Variants in UTP6 observed in about 807,000 individuals in gnomAD.
UTP6 encodes the protein U3 small nucleolar RNA-associated protein 6 homolog.
Under a neutral mutation model 96.5 loss-of-function variants are expected in UTP6, and 60 were observed. The observed-to-expected ratio is 0.62, with a 90% confidence interval of 0.51 to 0.77. UTP6 has a LOEUF of 0.77. Among genes scored for constraint, UTP6 ranks in the 30% least tolerant of loss-of-function variants. UTP6 has a pLI of 0.00. For synonymous variants in UTP6, 215 were observed against 240.1 expected, an observed-to-expected ratio of 0.90 and a Z score of 0.96; for missense variants, 637 against 706.5, an observed-to-expected ratio of 0.90 and a Z score of 1.12.
In UTP6 at chr17:31,901,579, C is replaced by T. The variant is rs1228561173; in HGVS notation, c.49G>A (p.Glu17Lys). 6.2e-7 allele frequency: 1 copy of T among 1,614,080 alleles called. No individual in the cohort carries two copies. Residue 17 changes from glutamate to lysine, a missense_variant, in exon 1 of 19, where the codon GAA becomes AAA. Physicochemically the swap from Glu to Lys is moderately conservative, Grantham distance 56. Transcript: ENST00000261708. ...ERIEDRLPELEQLERIGLFSH... is the reference protein window; with the variant it reads ...ERIEDRLPELKQLERIGLFSH... The stretch of plus-strand genomic sequence containing the variant: ...AACAGTCCAATGCGCTCCAGCTGTT[C>T]CAATTCCGGGAGCCGATCTTCTATG...
chr17:31,892,091 AGGCAGGGGTGAAC>A, intron 6 of UTP6, 156 bp downstream of exon 6: 6 of 638,578 alleles, frequency 9.4e-6, no homozygotes, highest in Admixed American at 2.7e-5. Flanking sequence ...AGTATATAGT[AGGCAGGGGTGAAC>A]TATGAGGCAG....
At chr17:31,868,700 CTT>C (rs1371980947) in intron 16 of UTP6, among the ~76,000 whole-genome samples, 6 of 152,066 alleles carry the variant, frequency 3.9e-5, no homozygotes, top group South Asian at 2.1e-4. Context: ...ATGTCAAAGT[CTT>C]TTGGGAAATC....
chr17:31,895,148 A>G, intron 2 of UTP6, 137 bp from the exon 3 acceptor site: 1 of 651,214 alleles, frequency 1.5e-6, no homozygotes, highest in Non-Finnish European at 2.5e-6. Context: ...ATAATTTACA[A>G]TAAATGTCTA....
chr17:31,881,267 CTTT>C lies in UTP6; in HGVS notation c.786-516_786-514del, dbSNP rs202102116. On this transcript the variant is annotated intron_variant, in intron 10 of 18. Transcript: ENST00000261708. ...GGATCAGAATTGTCCCACTTTTTCA[CTTT>C]TTTTTTTTTTTTTTTTGAGCCAGAA... 1.6e-4 allele frequency among the ~76,000 whole-genome samples: 21 copies of C among 132,848 alleles called. No individual in the cohort carries two copies. The East Asian group carries it at 2.8e-3, about 18-fold the overall frequency. 87.2% of individuals were successfully genotyped at this position (132,848 alleles called of 152,430 possible). A position where few individuals can be genotyped will look rare whatever the true frequency, so the allele number is the denominator to read the frequency against.
chr17:31,865,104 C>T (rs12940277), intron 18 of UTP6, among the ~76,000 whole-genome samples: 5,074 of 152,208 alleles, frequency 0.033, 183 homozygotes, highest in African/African-American at 0.088. Flanking sequence ...CTGCAACCTC[C>T]GTCTCCCAGG....
intron 10 of UTP6, 122 bp from the exon 11 acceptor site, chr17:31,880,876 T>C (rs1314794554): frequency 3.8e-6 from 5 of 1,325,584 alleles, no homozygotes; most frequent in East Asian, 2.4e-5. Flanking sequence ...TGCAGTACCA[T>C]AAAAACTATT....
intron 13 of UTP6, among the ~76,000 whole-genome samples, 154 bp from the exon 14 acceptor site, chr17:31,875,567 G>A (rs1910451019): frequency 6.6e-6 from 1 of 152,108 alleles, no homozygotes; most frequent in African/African-American, 2.4e-5. Context: ...GCTCACACCT[G>A]TAACCCCAGC....
chr17:31,882,530 A>G (rs900494471), intron 10 of UTP6, among the ~76,000 whole-genome samples: 1 of 152,146 alleles, frequency 6.6e-6, no homozygotes, highest in Non-Finnish European at 1.5e-5. Context: ...CATGTTGGCC[A>G]GGATGATCTC....
intron 10 of UTP6, among the ~76,000 whole-genome samples, chr17:31,881,453 G>A (rs1567785048): frequency 6.6e-6 from 1 of 151,944 alleles, no homozygotes; most frequent in Admixed American, 6.6e-5. Flanking sequence ...TTCTTTGGGA[G>A]AGATGAGTTT....
At chr17:31,873,533 T>G (rs16967031) in intron 15 of UTP6, 46 bp from the exon 16 acceptor site, 3 of 1,607,818 alleles carry the variant, frequency 1.9e-6, no homozygotes, top group African/African-American at 1.3e-5. Context: ...AGAAAACTTA[T>G]AGATACCAAA....
chr17:31,873,396 G>A lies in UTP6; in HGVS notation c.1478C>T (p.Ala493Val). The A allele has an allele frequency of 6.2e-7, 1 of 1,614,154 alleles. No individual in the cohort carries two copies. Among genetic ancestry groups the A allele is most frequent in the Non-Finnish European group, 8.5e-7 (1 of 1,180,040 alleles). Residue 493 changes from alanine (A) to valine (V), a missense_variant, in exon 16 of 19, where the codon GCC (alanine) becomes GTC (valine). Physicochemically the swap from Ala to Val is moderately conservative, Grantham distance 64. Coordinates refer to ENST00000261708, the MANE Select transcript of UTP6 (RefSeq NM_018428.3). ...TGAGTACCTTTTAAACACAGCTCTGGCCTTTTTGTAGCCACCACTTCGATA... is the reference window on the plus strand; with the variant it reads ...TGAGTACCTTTTAAACACAGCTCTGACCTTTTTGTAGCCACCACTTCGATA... ...WAYRSGGYKK[A>V]RAVFKSLQES...
chr17:31,878,558 T>C, intron 12 of UTP6, 144 bp downstream of exon 12: 1 of 866,802 alleles, frequency 1.2e-6, no homozygotes, highest in Non-Finnish European at 1.8e-6. Flanking sequence ...ACCTTTAGAA[T>C]GTCACGTCAC....
Position 31,863,259 on chromosome 17 carries a change from G to T in UTP6, c.*100C>A. On this transcript the variant is annotated 3_prime_UTR_variant, in exon 19 of 19. Transcript: ENST00000261708. ...TGTCTCAAAACCAGACAGCCATCTT[G>T]TCTGCCATCACTGAGCAAATTACAG... 1 of 1,216,706 alleles carries T rather than the reference G, an allele frequency of 8.2e-7. No individual in the cohort carries two copies. The highest frequency in any genetic ancestry group is 1.2e-6 in the Non-Finnish European group (1 of 859,852). 75.4% of individuals were successfully genotyped at this position (1,216,706 alleles called of 1,614,324 possible). A position where few individuals can be genotyped will look rare whatever the true frequency, so the allele number is the denominator to read the frequency against.
Position 31,863,083 on chromosome 17 carries a change from A to G in UTP6, c.*276T>C, listed in dbSNP as rs1359505128. On this transcript the variant is annotated 3_prime_UTR_variant, in exon 19 of 19. Coordinates refer to ENST00000261708, the MANE Select transcript of UTP6 (RefSeq NM_018428.3). Reference sequence around the variant, plus strand: ...TCAAACTGAGCAGTGTCATGCACCTATAATCCCAGCTACTCAGGAGTCTGA... The same window carrying G: ...TCAAACTGAGCAGTGTCATGCACCTGTAATCCCAGCTACTCAGGAGTCTGA... 9.8e-6 allele frequency: 4 copies of G among 406,880 alleles called. No homozygotes were observed. The highest frequency in any genetic ancestry group is 1.3e-5 in the Non-Finnish European group (3 of 225,168). The allele number at this position is 406,880 out of a possible 1,614,324, so 25.2% of individuals were successfully genotyped here.
At chr17:31,884,376 C>T in intron 10 of UTP6, 48 bp downstream of exon 10, 2 of 1,446,996 alleles carry the variant, frequency 1.4e-6, no homozygotes, top group East Asian at 2.4e-5. Flanking sequence ...AACCCTTAAT[C>T]TCAAGATCAG....
intron 17 of UTP6, among the ~76,000 whole-genome samples, chr17:31,867,228 C>T (rs1909876913): frequency 6.6e-6 from 1 of 152,184 alleles, no homozygotes; most frequent in Non-Finnish European, 1.5e-5. Flanking sequence ...ACTTGGCCTG[C>T]CAGGCGTGCT....
chr17:31,889,179 C>T (rs556290034), intron 7 of UTP6, 106 bp downstream of exon 7: 7 of 754,440 alleles, frequency 9.3e-6, no homozygotes, highest in South Asian at 2.2e-5. Flanking sequence ...CCCAGCTACT[C>T]GGGAGGCTGA....
chr17:31,887,191 G>T, intron 8 of UTP6, 45 bp downstream of exon 8: 1 of 1,519,972 alleles, frequency 6.6e-7, no homozygotes, highest in Non-Finnish European at 9.1e-7. Flanking sequence ...GGCTCAAAAT[G>T]TTATACATCG....
intron 10 of UTP6, among the ~76,000 whole-genome samples, chr17:31,883,151 T>C (rs1910941998): frequency 1.3e-5 from 2 of 152,036 alleles, no homozygotes; most frequent in East Asian, 1.9e-4. Context: ...CTGGGCAACA[T>C]AGTGAGACCT....
Sources: gnomAD v4.1 joint callset for allele counts (sites outside exome capture counted in the v4.1 genomes callset) on GRCh38, gnomAD v4.1.1 for gene constraint, MANE v1.5 for transcripts, NCBI Gene and HGNC (gene_info 2026-07-23, HGNC 2026-07-21) for gene names.